Variants in DLC1 observed in about 807,000 individuals in gnomAD.
DLC1 encodes the protein DLC1 Rho GTPase activating protein, also known as rho GTPase-activating protein 7.
Under a neutral mutation model 140.3 loss-of-function variants are expected in DLC1, and 54 were observed. That is an observed-to-expected ratio of 0.38 (90% CI 0.31 to 0.48). The LOEUF (loss-of-function observed/expected upper bound fraction) is 0.48. Ranked by LOEUF, DLC1 falls within the 20% of genes least tolerant of loss-of-function variation. The probability of loss-of-function intolerance (pLI) is 0.96; values close to 1 mark genes in which losing one functional copy is unlikely to be tolerated. For synonymous variants in DLC1, 986 were observed against 728.1 expected, an observed-to-expected ratio of 1.35 and a Z score of -5.70; for missense variants, 2,536 against 1,907.0, an observed-to-expected ratio of 1.33 and a Z score of -6.14.
intron 4 of DLC1, among the ~76,000 whole-genome samples, chr8:13,344,807 C>T (rs925835678): frequency 2.6e-5 from 4 of 151,810 alleles, no homozygotes; most frequent in African/African-American, 9.7e-5. Context: ...GGAAAGAGAG[C>T]AATAACGACA....
intron 5 of DLC1, among the ~76,000 whole-genome samples, chr8:13,265,194 T>C (rs938003850): frequency 1.3e-5 from 2 of 152,208 alleles, no homozygotes; most frequent in African/African-American, 2.4e-5. Flanking sequence ...GCTTAAATTA[T>C]GGTCTTTTAT....
intron 4 of DLC1, among the ~76,000 whole-genome samples, chr8:13,383,263 G>A (rs1171124717): frequency 6.6e-6 from 1 of 152,208 alleles, no homozygotes; most frequent in Non-Finnish European, 1.5e-5. Flanking sequence ...GTATAGACCA[G>A]TGACACTTAC....
At chr8:13,288,692 C>G (rs1831634639) in intron 5 of DLC1, among the ~76,000 whole-genome samples, 1 of 152,194 alleles carries the variant, frequency 6.6e-6, no homozygotes, top group Non-Finnish European at 1.5e-5. Context: ...GATCCTGAGA[C>G]AACTCAACAG....
chr8:13,146,269 C>T (rs1178943297), intron 5 of DLC1, among the ~76,000 whole-genome samples: 1 of 107,652 alleles, frequency 9.3e-6, no homozygotes, highest in Non-Finnish European at 2.2e-5. Context: ...AGCAAGACTC[C>T]ATCTCAAAAA....
chr8:13,594,253 A>C (rs2117481269), intron 1 of DLC1, among the ~76,000 whole-genome samples: 2 of 152,262 alleles, frequency 1.3e-5, no homozygotes, highest in Admixed American at 1.3e-4. Flanking sequence ...CAACAAACAG[A>C]AAACCTCATG....
intron 14 of DLC1, 66 bp from the exon 15 acceptor site, chr8:13,090,536 T>C (rs1817968410): frequency 1.3e-6 from 2 of 1,558,786 alleles, no homozygotes; most frequent in Non-Finnish European, 8.7e-7. Context: ...TGCCCATCAG[T>C]GGAAAAGACT....
chr8:13,538,612 G>A (rs1202735838), intron 1 of DLC1, among the ~76,000 whole-genome samples: 1 of 152,278 alleles, frequency 6.6e-6, no homozygotes, highest in East Asian at 1.9e-4. Context: ...GTGTATCAGT[G>A]GGTGTGGCTT....
chr8:13,506,171 A>C (rs977913492), intron 1 of DLC1, among the ~76,000 whole-genome samples: 3 of 152,194 alleles, frequency 2.0e-5, no homozygotes, highest in Non-Finnish European at 4.4e-5. Flanking sequence ...GTATACACAC[A>C]CATATATACA....
At chr8:13,247,545 C>T (rs544396018) in intron 5 of DLC1, among the ~76,000 whole-genome samples, 12 of 152,190 alleles carry the variant, frequency 7.9e-5, no homozygotes, top group Admixed American at 7.2e-4. Context: ...CACCAAAGCC[C>T]AGAGAGGTTA....
At chr8:13,180,915 T>C (rs1016536271) in intron 5 of DLC1, among the ~76,000 whole-genome samples, 15 of 152,346 alleles carry the variant, frequency 9.8e-5, no homozygotes, top group Middle Eastern at 3.4e-3. Flanking sequence ...TTTATTTTCT[T>C]ATTCAGAATT....
intron 5 of DLC1, among the ~76,000 whole-genome samples, chr8:13,264,322 C>T (rs1586032136): frequency 6.6e-6 from 1 of 152,074 alleles, no homozygotes; most frequent in Admixed American, 6.6e-5. Flanking sequence ...ATCCACCTAC[C>T]TCGGCCTCCC....
Position 13,395,398 on chromosome 8 carries a change from G to A in DLC1, c.1174-1705C>T, listed in dbSNP as rs536524312. Among the ~76,000 whole-genome samples the A allele has an allele frequency of 1.3e-4, 20 of 152,228 alleles. No homozygotes were observed. The South Asian group carries it at 1.7e-3, about 13-fold the overall frequency. On this transcript the variant is annotated intron_variant, in intron 3 of 17. Transcript: ENST00000276297. ...GGCCTCCCAAAAGCTGGGATTGCGC[G>A]CATGAGCCACCGCACCCAGCCTCTT...
intron 5 of DLC1, among the ~76,000 whole-genome samples, chr8:13,285,569 C>T (rs76178427): frequency 0.012 from 1,805 of 152,208 alleles, 51 homozygotes; most frequent in African/African-American, 0.04. Context: ...AGATGCCCAA[C>T]GTCATAAGTC....
chr8:13,570,497 C>T (rs1225045595), intron 1 of DLC1, among the ~76,000 whole-genome samples: 1 of 136,144 alleles, frequency 7.3e-6, no homozygotes, highest in Non-Finnish European at 1.5e-5. Flanking sequence ...TTCCTGTGTC[C>T]GTGTGATCTC....
chr8:13,313,947 T>C (rs1420179167), intron 4 of DLC1, among the ~76,000 whole-genome samples: 2 of 152,130 alleles, frequency 1.3e-5, no homozygotes, highest in African/African-American at 4.8e-5. Flanking sequence ...GATATTCTAC[T>C]TGGGTCTCCA....
rs1224750474 is a variant in DLC1, at chr8:13,100,090, G to C, written c.2247C>G (p.Thr749=). Residue 749 remains threonine, a synonymous_variant, in exon 9 of 18, where the codon ACC becomes ACG. Transcript: ENST00000276297. The stretch of plus-strand genomic sequence containing the variant: ...GGCTGGGCGTGCTGACCGCGCTGCT[G>C]GTCTCCGACTGGCTGCTGCTGCTGC... ...QTSSSSSQSE[T]SSAVSTPSPV... 9 of 1,613,678 alleles carry C rather than the reference G, an allele frequency of 5.6e-6. No homozygotes were observed. The highest frequency in any genetic ancestry group is 1.3e-5 in the African/African-American group (1 of 74,938).
At chr8:13,503,086 T>C (rs1801891874) in intron 1 of DLC1, among the ~76,000 whole-genome samples, 1 of 152,228 alleles carries the variant, frequency 6.6e-6, no homozygotes, top group Non-Finnish European at 1.5e-5. Flanking sequence ...GTAAGAGTTT[T>C]ATAGCATACA....
At chr8:13,356,268 G>A (rs552482687) in intron 4 of DLC1, among the ~76,000 whole-genome samples, 2 of 151,754 alleles carry the variant, frequency 1.3e-5, no homozygotes, top group Non-Finnish European at 2.9e-5. Context: ...ACCTTATTTA[G>A]ACTTTTAGAC....
chr8:13,518,142 C>G (rs1049061214), upstream of DLC1, among the ~76,000 whole-genome samples: 1 of 150,956 alleles, frequency 6.6e-6, no homozygotes, highest in Non-Finnish European at 1.5e-5. Flanking sequence ...GAGTCTGGCT[C>G]TGTTGCCCAG....
Sources: gnomAD v4.1 joint callset for allele counts (sites outside exome capture counted in the v4.1 genomes callset) on GRCh38, gnomAD v4.1.1 for gene constraint, MANE v1.5 for transcripts, NCBI Gene and HGNC (gene_info 2026-07-23, HGNC 2026-07-21) for gene names.